The following DLGAP3 variants were observed in gnomAD, a reference collection of about 807,000 sequenced individuals.
The protein encoded by DLGAP3 is DLG associated protein 3.
A neutral mutation model predicts 81.2 loss-of-function variants in DLGAP3; 17 were observed. The observed-to-expected ratio is 0.21, with a 90% CI of 0.14 to 0.31. The LOEUF is 0.31. DLGAP3 is among the 10% of genes least tolerant of loss of function. The pLI, the probability that DLGAP3 is intolerant of heterozygous loss-of-function variation, is 1.00. For missense variants in DLGAP3, 1,124 were observed against 1,388.0 expected (o/e 0.81, Z 3.02); for synonymous variants, 577 against 587.4 (o/e 0.98, Z 0.26).
At chr1:34,884,491 ATAGGTACC>A (rs1323048441) in intron 8 of DLGAP3, among the ~76,000 whole-genome samples, 1 of 150,946 alleles carries the variant, frequency 6.6e-6, no homozygotes, top group African/African-American at 2.5e-5. Context: ...CAGGCATGTA[ATAGGTACC>A]CCCAACTGGT....
chr1:34,871,710 C>A (rs888703108), intron 8 of DLGAP3, among the ~76,000 whole-genome samples: 1 of 152,230 alleles, frequency 6.6e-6, no homozygotes, highest in African/African-American at 2.4e-5. Context: ...CTGCTAAACA[C>A]AGCTGTGTCC....
chr1:34,903,754 C>G (rs1259225066), intron 3 of DLGAP3, among the ~76,000 whole-genome samples: 1 of 152,194 alleles, frequency 6.6e-6, no homozygotes, highest in Non-Finnish European at 1.5e-5. Flanking sequence ...CTTCGGCTGT[C>G]CCACCACCGG....
intron 2 of DLGAP3, among the ~76,000 whole-genome samples, chr1:34,905,639 T>G (rs1639539544): frequency 6.6e-6 from 1 of 152,144 alleles, no homozygotes; most frequent in African/African-American, 2.4e-5. Flanking sequence ...AATCCCATCA[T>G]TCAATGAATA....
At chr1:34,878,385 G>GA (rs1639090586) in intron 8 of DLGAP3, among the ~76,000 whole-genome samples, 1 of 151,584 alleles carries the variant, frequency 6.6e-6, no homozygotes, top group South Asian at 2.1e-4. Context: ...TAAAAGGATG[G>GA]AAAAAGATGT....
At chr1:34,920,976 G>C (rs79313222) in intron 1 of DLGAP3, among the ~76,000 whole-genome samples, 2 of 152,140 alleles carry the variant, frequency 1.3e-5, no homozygotes, top group African/African-American at 4.8e-5. Flanking sequence ...CTGTTGGGGA[G>C]GTCTTTCCAA....
chr1:34,916,687 TTTTATTTTATTTTATTTTA>T (rs1207312371), intron 1 of DLGAP3, among the ~76,000 whole-genome samples: 30 of 137,920 alleles, frequency 2.2e-4, no homozygotes, highest in African/African-American at 6.9e-4. Flanking sequence ...TTTTATTTTA[TTTTATTTTATTTTATTTTA>T]TTTATTTAGA....
At position 34,900,533 on chromosome 1, in the gene DLGAP3, C is replaced by T. The variant is rs1355144399; in HGVS notation, c.1108-260G>A. 3.9e-5 allele frequency among the ~76,000 whole-genome samples: 6 copies of T among 152,328 alleles called. No individual in the cohort carries two copies. Among genetic ancestry groups the T allele is most frequent in the Admixed American group, 1.3e-4 (2 of 15,310 alleles). ...AGGGAGTGACATGGCAGGCGTCAAG[C>T]GGTTGATGATCAGAGGCCAAAGTGA... is the stretch of plus-strand genomic sequence containing the variant. On this transcript the variant is annotated intron_variant, in intron 3 of 11. Transcript: ENST00000373347. The surrounding 1 kb of genome is among the most constrained non-coding windows in gnomAD (Gnocchi z 5.6).
intron 1 of DLGAP3, among the ~76,000 whole-genome samples, chr1:34,911,200 C>T (rs574567768): frequency 7.2e-5 from 11 of 152,208 alleles, no homozygotes; most frequent in African/African-American, 2.6e-4. Context: ...AGAAGTCAAA[C>T]TTATTCAACG....
chr1:34,869,253 T>C (rs995610919), intron 8 of DLGAP3, among the ~76,000 whole-genome samples, 164 bp from the exon 9 acceptor site: 5 of 152,170 alleles, frequency 3.3e-5, no homozygotes, highest in Non-Finnish European at 4.4e-5. Context: ...GCTACGTACA[T>C]AATATACCTA....
At chr1:34,866,811 G>T (rs1449292293) in intron 11 of DLGAP3, among the ~76,000 whole-genome samples, 1 of 152,144 alleles carries the variant, frequency 6.6e-6, no homozygotes, top group Non-Finnish European at 1.5e-5. Flanking sequence ...CCCCCGCGCT[G>T]AGGAAGCCTT....
At chr1:34,903,578 G>C (rs1285913197) in intron 3 of DLGAP3, among the ~76,000 whole-genome samples, 1 of 152,194 alleles carries the variant, frequency 6.6e-6, no homozygotes, top group African/African-American at 2.4e-5. Context: ...CTCACCTGCA[G>C]AGACCATAAA....
intron 1 of DLGAP3, among the ~76,000 whole-genome samples, chr1:34,920,080 T>C (rs562676923): frequency 9.9e-5 from 15 of 152,172 alleles, no homozygotes; most frequent in Admixed American, 8.5e-4. Flanking sequence ...CTTCAGGAAG[T>C]CTGGGCCATG....
chr1:34,911,488 G>A (rs926573594), intron 1 of DLGAP3, among the ~76,000 whole-genome samples: 3 of 152,180 alleles, frequency 2.0e-5, no homozygotes, highest in Non-Finnish European at 2.9e-5. Flanking sequence ...GACACAGAGA[G>A]CTGCCCGAAT....
Position 34,902,645 on chromosome 1 carries a change from C to T in DLGAP3, c.1107+1632G>A, listed in dbSNP as rs970641592. On this transcript the variant is annotated intron_variant, in intron 3 of 11. Coordinates refer to ENST00000373347, the MANE Select transcript of DLGAP3 (RefSeq NM_001080418.3). This position sits in a 1 kb window ranked among gnomAD's most constrained non-coding sequence, Gnocchi z 4.4. ...CCTCAGATGCCCTGGAACTCCAGAC[C>T]GGAGGGATCATTCCCCTTCCCCATT... Among the ~76,000 whole-genome samples the T allele has an allele frequency of 3.3e-5, 5 of 152,038 alleles. No individual in the cohort carries two copies. The highest frequency in any genetic ancestry group is 7.3e-5 in the African/African-American group (3 of 41,374).
At chr1:34,888,197 A>G (rs1426898456) in intron 5 of DLGAP3, among the ~76,000 whole-genome samples, 3 of 152,208 alleles carry the variant, frequency 2.0e-5, no homozygotes, top group African/African-American at 7.2e-5. Context: ...GGCCTGATCC[A>G]TGTGTAAACT....
rs887252396 is a variant in DLGAP3 at position 34,895,229 on chromosome 1, G to A, written c.1386+4440C>T. Among the ~76,000 whole-genome samples the A allele has an allele frequency of 1.2e-4, 18 of 151,928 alleles. No individual in the cohort carries two copies. Among genetic ancestry groups the A allele is most frequent in the African/African-American group, 3.4e-4 (14 of 41,386 alleles). ...AAAAATACAAAAAAATTAGCCAGGC[G>A]TGGTGGCGGGCGCCTGTAGTCTCAG... On this transcript the variant is annotated intron_variant, in intron 5 of 11. Coordinates refer to ENST00000373347, the MANE Select transcript of DLGAP3 (RefSeq NM_001080418.3). The surrounding 1 kb of genome is among the most constrained non-coding windows in gnomAD (Gnocchi z 4.5).
chr1:34,869,394 G>A (rs1638944099), intron 8 of DLGAP3, among the ~76,000 whole-genome samples: 1 of 152,114 alleles, frequency 6.6e-6, no homozygotes, highest in Non-Finnish European at 1.5e-5. Flanking sequence ...CAGTGCCCTG[G>A]AGAGGCTAGA....
intron 8 of DLGAP3, among the ~76,000 whole-genome samples, chr1:34,871,578 T>C (rs944143745): frequency 6.6e-6 from 1 of 152,200 alleles, no homozygotes; most frequent in East Asian, 1.9e-4. Context: ...GCCTTTGTGC[T>C]CTAGTTAGCT....
In DLGAP3 at chr1:34,885,743, G is replaced by A; in HGVS notation, c.1649C>T (p.Ala550Val). The change falls in exon 7 of 12, where the codon GCC becomes GTC. Residue 550 changes from alanine (A) to valine (V), a missense_variant. This residue lies in a region of DLGAP3 where 379 missense variants were observed against 455.7 expected (regional missense o/e 0.83). Transcript: ENST00000373347. Reference protein sequence around the residue: ...APPPIPPGSQAPPRISITAQS... With the variant: ...APPPIPPGSQVPPRISITAQS... Reference sequence around the variant, plus strand: ...GGCGGTGATGGAGATGCGGGGCGGGGCCTGGCTTCCCGGCGGGATGGGGGG... The same window carrying A: ...GGCGGTGATGGAGATGCGGGGCGGGACCTGGCTTCCCGGCGGGATGGGGGG... The A allele has an allele frequency of 7.0e-7, 1 of 1,420,688 alleles. No homozygotes were observed. Among genetic ancestry groups the A allele is most frequent in the Non-Finnish European group, 9.1e-7 (1 of 1,095,942 alleles). 88.0% of individuals were successfully genotyped at this position (1,420,688 alleles called of 1,614,324 possible).
Sources: gnomAD v4.1 joint callset for allele counts (sites outside exome capture counted in the v4.1 genomes callset) on GRCh38, gnomAD v4.1.1 for gene constraint, gnomAD v4.1.1 regional missense constraint, Gnocchi (gnomAD v3.1) non-coding constraint, MANE v1.5 for transcripts, NCBI Gene and HGNC (gene_info 2026-07-23, HGNC 2026-07-21) for gene names.